Variants in ADCY9 observed in about 807,000 individuals in gnomAD.
The protein encoded by ADCY9 is adenylate cyclase type 9.
ADCY9 carries 50 observed loss-of-function variants against 101.5 expected under a neutral mutation model. The ratio of observed to expected loss-of-function variants is 0.49; its 90% CI spans 0.39 to 0.62. The LOEUF (loss-of-function observed/expected upper bound fraction) is 0.62. Ranked by LOEUF, ADCY9 falls within the 20% of genes least tolerant of loss-of-function variation. ADCY9 has a pLI of 0.00. For missense variants in ADCY9, 1,662 were observed against 1,800.4 expected (o/e 0.92, Z 1.39); for synonymous variants, 905 against 769.3 (o/e 1.18, Z -2.92).
At chr16:3,957,125 G>T (rs544419015) in intron 5 of ADCY9, among the ~76,000 whole-genome samples, 2 of 152,260 alleles carry the variant, frequency 1.3e-5, no homozygotes, top group African/African-American at 4.8e-5. Context: ...TTCTTTCCTT[G>T]AAAAGGAGGA....
intron 2 of ADCY9, among the ~76,000 whole-genome samples, chr16:4,029,915 G>C (rs2056543379): frequency 6.6e-6 from 1 of 152,058 alleles, no homozygotes; most frequent in South Asian, 2.1e-4. Context: ...ATCAAATACA[G>C]AATCACAAAT....
At chr16:4,066,219 A>C (rs918649015) in intron 2 of ADCY9, among the ~76,000 whole-genome samples, 3 of 152,248 alleles carry the variant, frequency 2.0e-5, no homozygotes, top group Admixed American at 6.5e-5. Flanking sequence ...ATAATCGTGA[A>C]GTTTTAAGAA....
downstream of ADCY9, among the ~76,000 whole-genome samples, chr16:3,958,470 G>C (rs2055919465): frequency 6.7e-6 from 1 of 150,282 alleles, no homozygotes; most frequent in Non-Finnish European, 1.5e-5. Flanking sequence ...AACCTGGGAG[G>C]TGGAGGTTGC....
At chr16:4,027,971 A>G (rs1299214634) in intron 2 of ADCY9, among the ~76,000 whole-genome samples, 1 of 152,072 alleles carries the variant, frequency 6.6e-6, no homozygotes, top group African/African-American at 2.4e-5. Flanking sequence ...CCACGATTCA[A>G]TTACCTCCCA....
At chr16:3,979,083 G>A (rs1173852877) in intron 8 of ADCY9, 33 bp downstream of exon 8, 14 of 1,612,488 alleles carry the variant, frequency 8.7e-6, no homozygotes, top group Admixed American at 1.7e-5. Context: ...GTCCAGGAGA[G>A]CGTGGAAATA....
chr16:3,961,936 G>C (rs571047356), downstream of ADCY9, among the ~76,000 whole-genome samples: 1 of 152,136 alleles, frequency 6.6e-6, no homozygotes, highest in East Asian at 1.9e-4. Context: ...TGAGGCACGA[G>C]AATTGATTGA....
chr16:3,983,595 C>A, intron 6 of ADCY9, 155 bp from the exon 7 acceptor site: 1 of 656,144 alleles, frequency 1.5e-6, no homozygotes, highest in East Asian at 2.7e-5. Context: ...CCTCTACTAC[C>A]CCATTTAACA....
At chr16:3,993,235 C>G in intron 4 of ADCY9, 171 bp downstream of exon 4, 1 of 1,228,338 alleles carries the variant, frequency 8.1e-7, no homozygotes, top group Non-Finnish European at 1.1e-6. Flanking sequence ...TGCTGACCCT[C>G]CCTCGAGCTC....
chr16:4,042,769 G>A (rs989361568), intron 2 of ADCY9, among the ~76,000 whole-genome samples: 1 of 152,218 alleles, frequency 6.6e-6, no homozygotes, highest in African/African-American at 2.4e-5. Context: ...TGTTCCAAGA[G>A]GTTTTTATTT....
chr16:4,049,140 G>C (rs1231945857), intron 2 of ADCY9, among the ~76,000 whole-genome samples: 3 of 152,180 alleles, frequency 2.0e-5, no homozygotes, highest in African/African-American at 7.2e-5. Context: ...ATTCCTAAAA[G>C]AGTGGTTGCC....
At position 3,965,751 on chromosome 16, in the gene ADCY9, C is replaced by G; in HGVS notation, c.*24G>C. 1 of 1,590,976 alleles carries G rather than the reference C, an allele frequency of 6.3e-7. No individual in the cohort carries two copies. The highest frequency in any genetic ancestry group is 8.6e-7 in the Non-Finnish European group (1 of 1,167,084). On this transcript the variant is annotated 3_prime_UTR_variant, in exon 11 of 11. Coordinates refer to ENST00000294016, the MANE Select transcript of ADCY9 (RefSeq NM_001116.4). ...TACTGTGTTTCGACAAACAGAGCAC[C>G]TCGGGCAGCGGGTGGGCGCCGCCTC...
In ADCY9 at chr16:3,992,099, G is replaced by A; in HGVS notation, c.2207+47C>T. 2 of 1,563,590 alleles carry A rather than the reference G, an allele frequency of 1.3e-6. No homozygotes were observed. Among genetic ancestry groups the A allele is most frequent in the South Asian group, 2.2e-5 (2 of 89,342 alleles). ...GAAAAGAAAAGAAAAAGGCAGAGAGGCTTCTGCCTGCAACCTTTGCTTTTT... is the reference window on the plus strand; with the variant it reads ...GAAAAGAAAAGAAAAAGGCAGAGAGACTTCTGCCTGCAACCTTTGCTTTTT... On this transcript the variant is annotated intron_variant, in intron 5 of 10. Transcript: ENST00000294016. This position sits in a 1 kb window ranked among gnomAD's most constrained non-coding sequence, Gnocchi z 4.2.
At chr16:4,076,397 T>C (rs866285825) in intron 2 of ADCY9, among the ~76,000 whole-genome samples, 1 of 152,240 alleles carries the variant, frequency 6.6e-6, no homozygotes, top group Non-Finnish European at 1.5e-5. Flanking sequence ...ATTTAGATTT[T>C]TGCATTTTTG....
At chr16:4,030,723 A>G (rs916958251) in intron 2 of ADCY9, among the ~76,000 whole-genome samples, 1 of 151,864 alleles carries the variant, frequency 6.6e-6, no homozygotes, top group Non-Finnish European at 1.5e-5. Flanking sequence ...AAAAGAATAC[A>G]CACTGCAGGT....
At chr16:4,091,232 C>T (rs2601823) in intron 2 of ADCY9, among the ~76,000 whole-genome samples, 17,498 of 152,130 alleles carry the variant, frequency 0.12, 1,505 homozygotes, top group East Asian at 0.42. Context: ...CGCCATGATG[C>T]GCAGCTGATT....
intron 2 of ADCY9, among the ~76,000 whole-genome samples, chr16:4,089,078 G>T (rs1018115836): frequency 6.6e-6 from 1 of 151,964 alleles, no homozygotes; most frequent in Non-Finnish European, 1.5e-5. Context: ...CATATAAAAC[G>T]TGGCATTTGG....
chr16:3,991,785 AAAAG>A (rs1234692814), intron 5 of ADCY9, among the ~76,000 whole-genome samples: 357 of 148,440 alleles, frequency 2.4e-3, no homozygotes, highest in Non-Finnish European at 4.1e-3. Flanking sequence ...AAAAAAAAAA[AAAAG>A]CCAGGCGTGG....
chr16:4,010,167 G>T (rs889469290), intron 2 of ADCY9, among the ~76,000 whole-genome samples: 2 of 152,200 alleles, frequency 1.3e-5, no homozygotes, highest in Non-Finnish European at 2.9e-5. Context: ...CATGCACAAG[G>T]GCTGCCCTGG....
chr16:3,996,988 C>T (rs1240693030), intron 3 of ADCY9, among the ~76,000 whole-genome samples: 3 of 152,158 alleles, frequency 2.0e-5, no homozygotes, highest in African/African-American at 7.2e-5. Context: ...CCTCAACCTC[C>T]TGAGTAGCTG....
Sources: allele counts gnomAD v4.1 joint callset (sites outside exome capture counted in the v4.1 genomes callset), GRCh38; gene constraint gnomAD v4.1.1; non-coding constraint Gnocchi (gnomAD v3.1); transcripts MANE v1.5; gene names NCBI Gene and HGNC (gene_info 2026-07-23, HGNC 2026-07-21).